FHIT: variants seen among roughly 807,000 people sequenced by gnomAD.
FHIT encodes the protein fragile histidine triad diadenosine triphosphatase.
Under a neutral mutation model 17.9 loss-of-function variants are expected in FHIT, and 19 were observed. That is an observed-to-expected ratio of 1.06 (90% CI 0.74 to 1.56). The LOEUF is 1.56. Among genes scored for constraint, FHIT ranks in the 40% most tolerant of loss-of-function variants. The pLI is 0.00. For missense variants in FHIT, 248 were observed against 189.2 expected (o/e 1.31, Z -1.82); for synonymous variants, 81 against 69.7 (o/e 1.16, Z -0.81).
chr3:60,294,037 A>G (rs955969930), intron 5 of FHIT, among the ~76,000 whole-genome samples: 1 of 152,174 alleles, frequency 6.6e-6, no homozygotes, highest in Non-Finnish European at 1.5e-5. Flanking sequence ...ATTCATTTTG[A>G]ATCAATATTT....
At chr3:60,588,417 A>T (rs1327675196) in intron 4 of FHIT, among the ~76,000 whole-genome samples, 1 of 151,992 alleles carries the variant, frequency 6.6e-6, no homozygotes, top group African/African-American at 2.4e-5. Context: ...TCTCAAAGGA[A>T]GAGAAGAAAA....
intron 8 of FHIT, among the ~76,000 whole-genome samples, chr3:59,779,664 C>T (rs1702484039): frequency 6.6e-6 from 1 of 152,068 alleles, no homozygotes; most frequent in Admixed American, 6.6e-5. Flanking sequence ...GGCCTTGATA[C>T]ACTGATCCGG....
In FHIT at chr3:60,896,168, C is replaced by T. The variant is rs868993792; in HGVS notation, c.-110-74157G>A. Among the ~76,000 whole-genome samples, 38 of 152,162 alleles carry T rather than the reference C, an allele frequency of 2.5e-4. No homozygotes were observed. The South Asian group carries it at 2.9e-3, about 12-fold the overall frequency. ...TGGAACAGTTTCATCCTGAAACTAT[C>T]CCCGCTCCCCTGCCACCGATGGAAA... On this transcript the variant is annotated intron_variant, in intron 3 of 9. Transcript: ENST00000492590.
chr3:61,201,961 T>C (rs1370035699), intron 1 of FHIT, among the ~76,000 whole-genome samples: 2 of 152,144 alleles, frequency 1.3e-5, no homozygotes, highest in Non-Finnish European at 2.9e-5. Flanking sequence ...TGTGTATATA[T>C]ATGTGTGTGT....
At chr3:60,387,469 CG>C (rs1297592287) in intron 5 of FHIT, among the ~76,000 whole-genome samples, 35 of 152,252 alleles carry the variant, frequency 2.3e-4, no homozygotes, top group African/African-American at 8.4e-4. Context: ...TTGGTGGTTG[CG>C]GTCTAAGTGG....
intron 7 of FHIT, among the ~76,000 whole-genome samples, chr3:60,004,774 G>A (rs1024876748): frequency 3.3e-5 from 5 of 152,082 alleles, no homozygotes; most frequent in African/African-American, 1.2e-4. Context: ...TTAAACCTCA[G>A]TTTCCCTAAG....
At chr3:60,203,469 A>T (rs1703012785) in intron 5 of FHIT, among the ~76,000 whole-genome samples, 3 of 152,124 alleles carry the variant, frequency 2.0e-5, no homozygotes, top group Admixed American at 2.0e-4. Flanking sequence ...TATTTAGAGG[A>T]CCTGAGATGA....
chr3:60,317,639 A>G (rs933070174), intron 5 of FHIT, among the ~76,000 whole-genome samples: 8 of 143,360 alleles, frequency 5.6e-5, no homozygotes, highest in African/African-American at 2.2e-4. Flanking sequence ...GTGTGTGTAT[A>G]TATATATATA....
intron 8 of FHIT, among the ~76,000 whole-genome samples, chr3:59,871,397 A>G (rs534885928): frequency 6.6e-6 from 1 of 152,290 alleles, no homozygotes; most frequent in East Asian, 1.9e-4. Flanking sequence ...GCTCTCTTAT[A>G]TGTTAACAAA....
At chr3:60,018,712 T>C (rs1700438925) in intron 5 of FHIT, among the ~76,000 whole-genome samples, 1 of 152,174 alleles carries the variant, frequency 6.6e-6, no homozygotes, top group Non-Finnish European at 1.5e-5. Flanking sequence ...GCGCAGTGGC[T>C]CACGCCTGTA....
At chr3:60,360,107 T>C (rs1699846238) in intron 5 of FHIT, among the ~76,000 whole-genome samples, 1 of 151,930 alleles carries the variant, frequency 6.6e-6, no homozygotes, top group Non-Finnish European at 1.5e-5. Context: ...ATTTCTATTA[T>C]ATTCAAATAC....
intron 5 of FHIT, among the ~76,000 whole-genome samples, chr3:60,412,621 C>T (rs144195867): frequency 1.0e-3 from 152 of 152,054 alleles, no homozygotes; most frequent in African/African-American, 3.5e-3. Context: ...ATAGCCATAC[C>T]AGGAGGTAGC....
At chr3:60,282,393 G>C (rs1281726107) in intron 5 of FHIT, among the ~76,000 whole-genome samples, 1 of 152,052 alleles carries the variant, frequency 6.6e-6, no homozygotes, top group Non-Finnish European at 1.5e-5. Context: ...TATGGAAAAG[G>C]GAAAACTATA....
At chr3:60,087,203 A>T (rs939834711) in intron 5 of FHIT, among the ~76,000 whole-genome samples, 2 of 152,204 alleles carry the variant, frequency 1.3e-5, no homozygotes, top group African/African-American at 4.8e-5. Context: ...ATCCAGAGGC[A>T]GCCCAGGGCA....
At chr3:59,890,786 A>T (rs1703822283) in intron 8 of FHIT, among the ~76,000 whole-genome samples, 2 of 152,210 alleles carry the variant, frequency 1.3e-5, no homozygotes, top group Admixed American at 1.3e-4. Flanking sequence ...TTTCACGTAC[A>T]ATGCTAAGGT....
At chr3:60,181,224 C>G (rs892666529) in intron 5 of FHIT, among the ~76,000 whole-genome samples, 1 of 148,298 alleles carries the variant, frequency 6.7e-6, no homozygotes, top group African/African-American at 2.5e-5. Flanking sequence ...TGGCTCACTA[C>G]AACCTCTGCC....
intron 5 of FHIT, among the ~76,000 whole-genome samples, chr3:60,233,869 T>C (rs961917263): frequency 3.3e-5 from 5 of 152,152 alleles, no homozygotes; most frequent in East Asian, 3.9e-4. Flanking sequence ...CCTGCCGCCA[T>C]GTAAGATGTG....
Position 60,392,924 on chromosome 3 carries a change from C to T in FHIT, c.103+143936G>A, listed in dbSNP as rs536317974. ...ATAACATCTTATTATGAGAGTCTTT[C>T]GGGAAAGGTGGCTGAAGCTTTAGCG... is the stretch of plus-strand genomic sequence containing the variant. On this transcript the variant is annotated intron_variant, in intron 5 of 9. Coordinates refer to ENST00000492590, the MANE Select transcript of FHIT (RefSeq NM_002012.4). Among the ~76,000 whole-genome samples, 44 of 152,138 alleles carry T rather than the reference C, an allele frequency of 2.9e-4. 1 individual carries two copies. The highest frequency in any genetic ancestry group is 1.1e-3 in the African/African-American group (44 of 41,522).
At chr3:61,168,558 C>T (rs1033516009) in intron 2 of FHIT, among the ~76,000 whole-genome samples, 1 of 152,192 alleles carries the variant, frequency 6.6e-6, no homozygotes, top group Non-Finnish European at 1.5e-5. Flanking sequence ...GGATTTATCA[C>T]GTCTTAACTT....
Sources: gnomAD v4.1 joint callset for allele counts (sites outside exome capture counted in the v4.1 genomes callset) on GRCh38, gnomAD v4.1.1 for gene constraint, MANE v1.5 for transcripts, NCBI Gene and HGNC (gene_info 2026-07-23, HGNC 2026-07-21) for gene names.